The following RAB7B variants were observed in gnomAD, a reference collection of about 807,000 sequenced individuals.
The protein encoded by RAB7B is ras-related protein Rab-7b.
At chr1:205,995,728 G>A (rs967533936) in intron 1 of RAB7B, among the ~76,000 whole-genome samples, 11 of 152,188 alleles carry the variant, frequency 7.2e-5, no homozygotes, top group African/African-American at 2.7e-4. Flanking sequence ...ACCAGGAGCT[G>A]GGCTGGGTGG....
At chr1:205,982,605 G>A (rs1459624515) in intron 5 of RAB7B, among the ~76,000 whole-genome samples, 1 of 152,196 alleles carries the variant, frequency 6.6e-6, no homozygotes, top group Non-Finnish European at 1.5e-5. Flanking sequence ...AGTTAGGGAA[G>A]TGGTGGCTTA....
At chr1:205,997,046 G>A (rs991744471) in intron 1 of RAB7B, among the ~76,000 whole-genome samples, 21 of 152,198 alleles carry the variant, frequency 1.4e-4, no homozygotes, top group African/African-American at 3.9e-4. Flanking sequence ...GACCAAAGGC[G>A]ATTTGAAGCT....
At chr1:205,994,187 A>G (rs1660772319) in intron 1 of RAB7B, 36 bp from the exon 2 acceptor site, 2 of 398,510 alleles carry the variant, frequency 5.0e-6, no homozygotes, top group Non-Finnish European at 8.9e-6. Context: ...ATGCTAGCCA[A>G]TGTTCCTTGT....
intron 1 of RAB7B, among the ~76,000 whole-genome samples, chr1:206,001,188 C>T (rs1212404690): frequency 6.6e-6 from 1 of 151,986 alleles, no homozygotes; most frequent in African/African-American, 2.4e-5. Context: ...GGTGACGCAG[C>T]CTGGCTCACC....
chr1:205,993,276 AG>A (rs1660756017), intron 3 of RAB7B, 143 bp downstream of exon 3: 2 of 393,904 alleles, frequency 5.1e-6, no homozygotes, highest in Non-Finnish European at 8.9e-6. Flanking sequence ...GAGGTGGATC[AG>A]ATTTGGCCCA....
At chr1:205,984,527 A>T (rs1046120063) in intron 5 of RAB7B, among the ~76,000 whole-genome samples, 1 of 152,230 alleles carries the variant, frequency 6.6e-6, no homozygotes, top group African/African-American at 2.4e-5. Flanking sequence ...TGTTGATGAG[A>T]TGTGGCAGAA....
chr1:205,991,541 C>T (rs1197672184), intron 4 of RAB7B, among the ~76,000 whole-genome samples: 1 of 152,334 alleles, frequency 6.6e-6, no homozygotes, highest in Middle Eastern at 3.4e-3. Context: ...AAAAATGTGT[C>T]TTTATGAACC....
chr1:205,987,213 C>T (rs1447165637), intron 4 of RAB7B, among the ~76,000 whole-genome samples: 1 of 152,152 alleles, frequency 6.6e-6, no homozygotes, highest in Non-Finnish European at 1.5e-5. Context: ...CTCTTCCAAT[C>T]CCAGAGACAG....
chr1:205,988,201 G>T (rs1329523082), intron 4 of RAB7B, among the ~76,000 whole-genome samples: 3 of 145,632 alleles, frequency 2.1e-5, no homozygotes, highest in African/African-American at 7.6e-5. Context: ...GTATATGTGT[G>T]TATATATGAT....
At position 205,989,413 on chromosome 1, in the gene RAB7B, C is replaced by T. The variant is rs894451186; in HGVS notation, c.396+3067G>A. Among the ~76,000 whole-genome samples the T allele has an allele frequency of 2.0e-5, 3 of 152,114 alleles. No homozygotes were observed. The South Asian group carries it at 6.2e-4, about 32-fold the overall frequency. ...CCCTCTACTCCCGCGAGTCACCACCCGCCCTCCTCACCTTGCCAGGTGCCC... is the reference window on the plus strand; with the variant it reads ...CCCTCTACTCCCGCGAGTCACCACCTGCCCTCCTCACCTTGCCAGGTGCCC... On this transcript the variant is annotated intron_variant, in intron 4 of 5. Coordinates refer to ENST00000617070, the MANE Select transcript of RAB7B (RefSeq NM_001164522.3).
intron 4 of RAB7B, among the ~76,000 whole-genome samples, chr1:205,990,890 C>T (rs915337896): frequency 6.7e-6 from 1 of 149,642 alleles, no homozygotes; most frequent in Admixed American, 6.7e-5. Context: ...CAGGTTCAAG[C>T]GATTCTCCTG....
At chr1:205,981,478 T>G (rs1660489162) in intron 5 of RAB7B, among the ~76,000 whole-genome samples, 1 of 152,254 alleles carries the variant, frequency 6.6e-6, no homozygotes, top group Non-Finnish European at 1.5e-5. Context: ...TCTTTCACAA[T>G]GTTAACTGAA....
intron 4 of RAB7B, 115 bp from the exon 5 acceptor site, chr1:205,985,780 A>C (rs1660588384): frequency 2.7e-5 from 7 of 262,004 alleles, no homozygotes; most frequent in Admixed American, 6.5e-5. Context: ...CATCCCCATC[A>C]TCCCCACCAG....
intron 5 of RAB7B, among the ~76,000 whole-genome samples, chr1:205,982,525 G>T (rs1374573584): frequency 1.3e-5 from 2 of 152,148 alleles, no homozygotes; most frequent in Non-Finnish European, 2.9e-5. Flanking sequence ...TGCCCTCTCT[G>T]CACTACAATA....
At chr1:206,001,681 C>A (rs1660895210) in intron 1 of RAB7B, among the ~76,000 whole-genome samples, 1 of 152,166 alleles carries the variant, frequency 6.6e-6, no homozygotes, top group African/African-American at 2.4e-5. Flanking sequence ...CGGTGACTGA[C>A]TCCCCACTGG....
rs981013511 is a variant in RAB7B, at chr1:205,992,664, C to T, written c.212G>A (p.Arg71His). ...CTTGTAGAACGTGGACACCATGGAG[C>T]GGAACCGCTCCTGACCGCCCGTGTC... is the stretch of plus-strand genomic sequence containing the variant. ...IWDTGGQERF[R>H]SMVSTFYKGS... The change falls in exon 4 of 6, where the codon CGC becomes CAC. Residue 71 changes from arginine to histidine, a missense_variant. Arg to His is a conservative substitution (Grantham distance 29). Coordinates refer to ENST00000617070, the MANE Select transcript of RAB7B (RefSeq NM_001164522.3). 7.5e-6 allele frequency: 3 copies of T among 398,802 alleles called. No individual in the cohort carries two copies. Among genetic ancestry groups the T allele is most frequent in the East Asian group, 3.6e-5 (1 of 28,088 alleles). The allele number at this position is 398,802 out of a possible 1,614,324, so 24.7% of individuals were successfully genotyped here.
intron 1 of RAB7B, among the ~76,000 whole-genome samples, chr1:206,001,069 G>A (rs938500356): frequency 0.58 from 88,222 of 152,026 alleles, 28,885 homozygotes; most frequent in East Asian, 0.99. Context: ...AAGGGCAGGA[G>A]TTTGCTGAGG....
At chr1:205,987,226 T>G (rs1660626266) in intron 4 of RAB7B, among the ~76,000 whole-genome samples, 1 of 152,354 alleles carries the variant, frequency 6.6e-6, no homozygotes, top group East Asian at 1.9e-4. Context: ...AGAGACAGTT[T>G]CATGATTTTT....
intron 4 of RAB7B, among the ~76,000 whole-genome samples, chr1:205,988,195 A>T (rs950859862): frequency 2.7e-5 from 4 of 147,212 alleles, no homozygotes; most frequent in Admixed American, 2.0e-4. Flanking sequence ...ATGTATGTAT[A>T]TGTGTGTATA....
Sources: gnomAD v4.1 joint callset for allele counts (sites outside exome capture counted in the v4.1 genomes callset) on GRCh38, gnomAD v4.1.1 for gene constraint, MANE v1.5 for transcripts, NCBI Gene and HGNC (gene_info 2026-07-23, HGNC 2026-07-21) for gene names.